The following WAPL variants were observed in gnomAD, a reference collection of about 807,000 sequenced individuals.
WAPL encodes WAPL cohesin release factor, also known as wings apart-like protein homolog.
A neutral mutation model predicts 121.0 loss-of-function variants in WAPL; 5 were observed. The ratio of observed to expected loss-of-function variants is 0.04; its 90% CI spans 0.02 to 0.09. WAPL has a LOEUF of 0.09. Ranked by LOEUF, WAPL falls within the 10% of genes least tolerant of loss-of-function variation. The probability of loss-of-function intolerance (pLI) is 1.00; values close to 1 mark genes in which losing one functional copy is unlikely to be tolerated. For synonymous variants in WAPL, 480 were observed against 481.5 expected (o/e 1.00, Z 0.04); for missense variants, 999 against 1,410.8 (o/e 0.71, Z 4.68).
At chr10:86,520,824 T>C (rs1478822973) in intron 1 of WAPL, among the ~76,000 whole-genome samples, 1 of 142,096 alleles carries the variant, frequency 7.0e-6, no homozygotes, top group Non-Finnish European at 1.5e-5. Context: ...CCCACCCTAA[T>C]CTAGCGTCTT....
intron 2 of WAPL, among the ~76,000 whole-genome samples, chr10:86,511,575 T>C (rs1368540693): frequency 2.6e-5 from 4 of 152,136 alleles, no homozygotes; most frequent in Non-Finnish European, 4.4e-5. Flanking sequence ...CTCAATATAA[T>C]GGAAATAAAG....
chr10:86,506,512 C>T (rs1041635583), intron 2 of WAPL, among the ~76,000 whole-genome samples: 2 of 152,170 alleles, frequency 1.3e-5, no homozygotes, highest in Admixed American at 1.3e-4. Context: ...TGGTGGCTCA[C>T]GCCTGTAATC....
chr10:86,504,184 GAATA>G (rs1395079986), intron 2 of WAPL, among the ~76,000 whole-genome samples: 2 of 151,150 alleles, frequency 1.3e-5, no homozygotes, highest in Non-Finnish European at 3.0e-5. Flanking sequence ...AAAAATAAAT[GAATA>G]AATAATAAGC....
At chr10:86,468,815 A>T (rs571330937) in intron 8 of WAPL, among the ~76,000 whole-genome samples, 9 of 151,850 alleles carry the variant, frequency 5.9e-5, no homozygotes, top group South Asian at 2.1e-4. Flanking sequence ...ATACAAAAAA[A>T]TTAGGCCGGG....
At chr10:86,461,100 T>A in intron 10 of WAPL, 76 bp downstream of exon 10, 1 of 1,094,276 alleles carries the variant, frequency 9.1e-7, no homozygotes. Context: ...ACAATTATTT[T>A]TTGAAGTACG....
intron 16 of WAPL, chr10:86,443,840 A>T (rs1849534908): frequency 6.4e-6 from 1 of 157,338 alleles, no homozygotes; most frequent in South Asian, 1.9e-4. Context: ...TGGGCAACAT[A>T]GTGAGACCTC....
chr10:86,438,880 C>G (rs186352258), intron 17 of WAPL, among the ~76,000 whole-genome samples: 3 of 152,180 alleles, frequency 2.0e-5, no homozygotes, highest in African/African-American at 7.2e-5. Context: ...TATATATAAA[C>G]CAATCTGTTA....
chr10:86,468,285 C>T (rs972477027), intron 8 of WAPL, among the ~76,000 whole-genome samples: 3 of 151,928 alleles, frequency 2.0e-5, no homozygotes, highest in African/African-American at 4.8e-5. Flanking sequence ...TAGCCTTGAC[C>T]GTCTGGACTC....
At chr10:86,468,261 A>T (rs554756594) in intron 8 of WAPL, among the ~76,000 whole-genome samples, 114 of 152,174 alleles carry the variant, frequency 7.5e-4, no homozygotes, top group Non-Finnish European at 1.4e-3. Flanking sequence ...GCAGTGGCAC[A>T]TATCAGCTCA....
chr10:86,499,744 T>C lies in WAPL; in HGVS notation c.1499A>G (p.Asp500Gly), dbSNP rs1842211195. ...TGCATTGTTAGTACCAGACTGACTG[T>C]CCTGGGAATTATCATTGCTTTCTGG... ...PPPESNDNSQ[D>G]SQSGTNNAEN... Residue 500 changes from aspartate (D) to glycine (G), a missense_variant, in exon 3 of 19, where the codon GAC (aspartate) becomes GGC (glycine). Transcript: ENST00000298767. 1 of 1,594,434 alleles carries C rather than the reference T, an allele frequency of 6.3e-7. No homozygotes were observed.
rs1466143090 is a variant in WAPL at position 86,465,819 on chromosome 10, G to A, written c.2370+1460C>T. Among the ~76,000 whole-genome samples the A allele has an allele frequency of 2.6e-5, 4 of 152,150 alleles. No homozygotes were observed. In the East Asian group the frequency reaches 7.7e-4, roughly 29 times the overall value. On this transcript the variant is annotated intron_variant, in intron 9 of 18. Transcript: ENST00000298767. ...GGCCTCTCAGCTTCCTTGGACTCTG[G>A]AGGTACATTTGCATGGACTTGTCCA...
intron 15 of WAPL, among the ~76,000 whole-genome samples, chr10:86,448,627 C>T (rs1459296347): frequency 1.3e-5 from 2 of 151,968 alleles, no homozygotes; most frequent in Non-Finnish European, 2.9e-5. Flanking sequence ...TTTTTATTTA[C>T]TTTTCGGACA....
Position 86,517,812 on chromosome 10 carries a change from T to C in WAPL, c.258A>G (p.Ser86=), listed in dbSNP as rs200156469. 1 of 1,614,228 alleles carries C rather than the reference T, an allele frequency of 6.2e-7. No individual in the cohort carries two copies. Among genetic ancestry groups the C allele is most frequent in the African/African-American group, 1.3e-5 (1 of 75,064 alleles). The change falls in exon 2 of 19, where the codon TCA becomes TCG. Residue 86 remains serine (S), a synonymous_variant. Coordinates refer to ENST00000298767, the MANE Select transcript of WAPL (RefSeq NM_015045.5). ...DSDDESLPVS[S]KNLAQVKCSS... ...AACACTTAACCTGGGCTAAATTCTT[T>C]GAAGAAACTGGTAGAGACTCATCAT...
intron 16 of WAPL, among the ~76,000 whole-genome samples, chr10:86,444,574 C>T (rs1849555615): frequency 6.6e-6 from 1 of 152,080 alleles, no homozygotes; most frequent in Non-Finnish European, 1.5e-5. Flanking sequence ...TCATAAAAGG[C>T]AACATATTGT....
chr10:86,520,766 TAAAAAA>T (rs10574217), intron 1 of WAPL, among the ~76,000 whole-genome samples: 119 of 98,110 alleles, frequency 1.2e-3, no homozygotes, highest in Middle Eastern at 5.1e-3. Context: ...CGCTGTGATT[TAAAAAA>T]AAAAAAAAAA....
At chr10:86,481,254 T>C (rs1214152771) in intron 4 of WAPL, among the ~76,000 whole-genome samples, 2 of 152,070 alleles carry the variant, frequency 1.3e-5, no homozygotes, top group Admixed American at 6.6e-5. Context: ...TTTAGAATTA[T>C]AAAAATATAT....
intron 9 of WAPL, among the ~76,000 whole-genome samples, chr10:86,462,603 C>A (rs533914672): frequency 6.6e-6 from 1 of 151,458 alleles, no homozygotes; most frequent in Non-Finnish European, 1.5e-5. Flanking sequence ...GCCTGTAATT[C>A]CAGCTACTCG....
chr10:86,443,378 G>A lies in WAPL; in HGVS notation c.3323-15C>T. On this transcript the variant is annotated splice_polypyrimidine_tract_variant and intron_variant, in intron 16 of 18. Transcript: ENST00000298767. ...ATGCTGAAGGGCTGAGAGAATTGAAGTAAAGAATTGTAACAGTATATTAAT... is the reference window on the plus strand; with the variant it reads ...ATGCTGAAGGGCTGAGAGAATTGAAATAAAGAATTGTAACAGTATATTAAT... 6.2e-7 allele frequency: 1 copy of A among 1,611,168 alleles called. No homozygotes were observed. The highest frequency in any genetic ancestry group is 8.5e-7 in the Non-Finnish European group (1 of 1,177,638).
chr10:86,477,391 T>C (rs1249689593), intron 4 of WAPL, among the ~76,000 whole-genome samples: 2 of 152,204 alleles, frequency 1.3e-5, no homozygotes, highest in Admixed American at 6.5e-5. Flanking sequence ...CAATCAACTT[T>C]CCATGGAAAA....
Sources: gnomAD v4.1 joint callset for allele counts (sites outside exome capture counted in the v4.1 genomes callset) on GRCh38, gnomAD v4.1.1 for gene constraint, MANE v1.5 for transcripts, NCBI Gene and HGNC (gene_info 2026-07-23, HGNC 2026-07-21) for gene names.